Variants in TMEM131 observed in about 807,000 individuals in gnomAD.
TMEM131 encodes transmembrane protein 131.
In TMEM131, 66 loss-of-function variants were observed where a neutral mutation model predicts 211.6. That is an observed-to-expected ratio of 0.31 (90% CI 0.26 to 0.38). TMEM131 has a LOEUF of 0.38. Ranked by LOEUF, TMEM131 falls within the 10% of genes least tolerant of loss-of-function variation. The pLI is 1.00. For synonymous variants in TMEM131, 844 were observed against 841.3 expected (o/e 1.00, Z -0.06); for missense variants, 2,036 against 2,299.3 (o/e 0.89, Z 2.34).
chr2:97,762,878 CATAAA>C (rs1395790902), intron 35 of TMEM131: 1 of 152,200 alleles, frequency 6.6e-6, no homozygotes, highest in East Asian at 1.9e-4. Flanking sequence ...AAATTTCAGT[CATAAA>C]ATAACATTCT....
intron 31 of TMEM131, among the ~76,000 whole-genome samples, chr2:97,786,019 G>C (rs1680232863): frequency 6.6e-6 from 1 of 152,200 alleles, no homozygotes; most frequent in Non-Finnish European, 1.5e-5. Context: ...TAAGGGGTAG[G>C]CTGAAGAAGG....
At chr2:97,974,886 G>C (rs1408572777) in intron 1 of TMEM131, among the ~76,000 whole-genome samples, 2 of 152,110 alleles carry the variant, frequency 1.3e-5, no homozygotes, top group Non-Finnish European at 2.9e-5. Context: ...GTGGAATACA[G>C]ATATGTGTTT....
chr2:97,790,538 G>A (rs1245999696), intron 31 of TMEM131, among the ~76,000 whole-genome samples: 1 of 152,178 alleles, frequency 6.6e-6, no homozygotes, highest in Non-Finnish European at 1.5e-5. Context: ...TAAAATTTAG[G>A]TTCTCAATGA....
intron 3 of TMEM131, among the ~76,000 whole-genome samples, chr2:97,900,644 T>C (rs1281294796): frequency 1.3e-5 from 2 of 152,124 alleles, no homozygotes; most frequent in East Asian, 3.8e-4. Context: ...CCTCCCTGTC[T>C]TGGCTATTGT....
At chr2:97,877,429 G>A (rs1674744539) in intron 4 of TMEM131, among the ~76,000 whole-genome samples, 1 of 152,170 alleles carries the variant, frequency 6.6e-6, no homozygotes, top group African/African-American at 2.4e-5. Flanking sequence ...CAAAGCTAAA[G>A]GCATCACACT....
chr2:97,805,329 A>G, intron 21 of TMEM131, 47 bp downstream of exon 21: 1 of 1,594,920 alleles, frequency 6.3e-7, no homozygotes, highest in East Asian at 2.2e-5. Context: ...CTAAAAGAGT[A>G]TTTTGGGGGA....
intron 1 of TMEM131, among the ~76,000 whole-genome samples, chr2:97,954,462 G>A (rs747884483): frequency 4.6e-5 from 7 of 152,142 alleles, no homozygotes; most frequent in Non-Finnish European, 7.4e-5. Flanking sequence ...CAAGATGAAG[G>A]AAATGGCCTG....
intron 4 of TMEM131, among the ~76,000 whole-genome samples, chr2:97,883,257 T>C (rs954265344): frequency 2.6e-5 from 4 of 152,248 alleles, no homozygotes; most frequent in South Asian, 2.1e-4. Flanking sequence ...CGAAGTTTGT[T>C]TGTCTGTTTC....
intron 1 of TMEM131, among the ~76,000 whole-genome samples, chr2:97,939,760 T>C (rs1411377770): frequency 6.6e-6 from 1 of 152,166 alleles, no homozygotes; most frequent in African/African-American, 2.4e-5. Context: ...TGAACATCGA[T>C]GCAAAATCTT....
At position 97,995,650 on chromosome 2, in the gene TMEM131, C is replaced by A; in HGVS notation, c.13G>T (p.Ala5Ser). The change falls in exon 1 of 41, where the codon GCG becomes TCG. Residue 5 changes from alanine to serine, a missense_variant. Ala to Ser is a moderately conservative substitution (Grantham distance 99). Around this residue, in one of 3 missense-constraint regions of TMEM131, gnomAD observed 136 missense variants for 115.4 expected, o/e 1.18. Coordinates refer to ENST00000186436, the MANE Select transcript of TMEM131 (RefSeq NM_015348.2). MGKRAGGGATGATTA... is the reference protein window; with the variant it reads MGKRSGGGATGATTA... The stretch of plus-strand genomic sequence containing the variant: ...GTGGCTCCGGTTGCTCCTCCTCCCG[C>A]CCGCTTCCCCATCCCTGCCGGCCGG... The A allele has an allele frequency of 8.2e-7, 1 of 1,214,812 alleles. No individual in the cohort carries two copies. Among genetic ancestry groups the A allele is most frequent in the Non-Finnish European group, 1.0e-6 (1 of 976,648 alleles). The allele number at this position is 1,214,812 out of a possible 1,614,324, so 75.3% of individuals were successfully genotyped here.
In TMEM131 at chr2:97,798,008, C is replaced by T. The variant is rs543880150; in HGVS notation, c.2719-492G>A. Among the ~76,000 whole-genome samples, 95 of 152,352 alleles carry T rather than the reference C, an allele frequency of 6.2e-4. 2 individuals are homozygous for T. In the South Asian group the frequency reaches 0.015, roughly 24 times the overall value. On this transcript the variant is annotated intron_variant, in intron 25 of 40. Transcript: ENST00000186436. ...TCCTGCCACTGCCACGCCACTCCTC[C>T]CCTCTGAAGGGGACCAGCTGAAGGG...
intron 3 of TMEM131, among the ~76,000 whole-genome samples, chr2:97,895,224 C>A (rs1198278948): frequency 6.6e-6 from 1 of 152,184 alleles, no homozygotes; most frequent in Non-Finnish European, 1.5e-5. Context: ...ATGAAGCCAA[C>A]TTGATCGTGG....
intron 11 of TMEM131, among the ~76,000 whole-genome samples, chr2:97,824,125 C>T (rs1383783493): frequency 6.6e-6 from 1 of 152,206 alleles, no homozygotes; most frequent in East Asian, 1.9e-4. Context: ...TTTACAAGGA[C>T]ACTTTAAAAA....
chr2:97,989,965 G>A (rs942419920), intron 1 of TMEM131, among the ~76,000 whole-genome samples: 1 of 152,212 alleles, frequency 6.6e-6, no homozygotes, highest in African/African-American at 2.4e-5. Flanking sequence ...AAGTCTGCGA[G>A]AGATTTCTGC....
intron 8 of TMEM131, among the ~76,000 whole-genome samples, chr2:97,836,390 G>A (rs2105075020): frequency 6.6e-6 from 1 of 152,308 alleles, no homozygotes; most frequent in African/African-American, 2.4e-5. Flanking sequence ...TTACAGATGA[G>A]CAGTGATCTG....
At chr2:97,858,644 A>AGAGAGGTACAAAGCAGAAGAGGACG (rs1057135603) in intron 5 of TMEM131, among the ~76,000 whole-genome samples, 1 of 152,030 alleles carries the variant, frequency 6.6e-6, no homozygotes, top group Non-Finnish European at 1.5e-5. Context: ...AGAAGAGGAC[A>AGAGAGGTACAAAGCAGAAGAGGACG]CCAGAGAGGT....
At chr2:97,898,617 A>G (rs1675717480) in intron 3 of TMEM131, among the ~76,000 whole-genome samples, 1 of 152,184 alleles carries the variant, frequency 6.6e-6, no homozygotes, top group South Asian at 2.1e-4. Flanking sequence ...GTGTAAAGTG[A>G]CTACGCTGAC....
At chr2:97,826,283 A>C (rs568557797) in intron 11 of TMEM131, among the ~76,000 whole-genome samples, 1 of 152,334 alleles carries the variant, frequency 6.6e-6, no homozygotes, top group African/African-American at 2.4e-5. Flanking sequence ...AAAACTGAGA[A>C]AGGGAAAAAG....
At chr2:97,965,820 C>T (rs1679032439) in intron 1 of TMEM131, among the ~76,000 whole-genome samples, 1 of 151,630 alleles carries the variant, frequency 6.6e-6, no homozygotes, top group Non-Finnish European at 1.5e-5. Context: ...TATTTTCTAC[C>T]TTTCTTTTGC....
Sources: allele counts gnomAD v4.1 joint callset (sites outside exome capture counted in the v4.1 genomes callset), GRCh38; gene constraint gnomAD v4.1.1; regional missense constraint gnomAD v4.1.1; transcripts MANE v1.5; gene names NCBI Gene and HGNC (gene_info 2026-07-23, HGNC 2026-07-21).